Variants in DENND4C observed in about 807,000 individuals in gnomAD.
The protein encoded by DENND4C is DENN domain containing 4C, also known as DENN domain-containing protein 4C.
DENND4C carries 108 observed loss-of-function variants against 203.0 expected under a neutral mutation model. That is an observed-to-expected ratio of 0.53 (90% CI 0.46 to 0.62). DENND4C has a LOEUF of 0.62. DENND4C is among the 20% of genes least tolerant of loss of function. The probability of loss-of-function intolerance (pLI) is 0.00; values close to 1 mark genes in which losing one functional copy is unlikely to be tolerated. For synonymous variants in DENND4C, 871 were observed against 792.4 expected, an observed-to-expected ratio of 1.10 and a Z score of -1.67; for missense variants, 2,481 against 2,301.2, an observed-to-expected ratio of 1.08 and a Z score of -1.60.
rs189404866 is a variant in DENND4C at position 19,269,003 on chromosome 9, T to A, written c.-17-7155T>A. Among the ~76,000 whole-genome samples, 496 of 152,280 alleles carry A rather than the reference T, an allele frequency of 3.3e-3. 3 individuals carry two copies. Among genetic ancestry groups the A allele is most frequent in the African/African-American group, 0.011 (459 of 41,558 alleles). ...TGTTTGGGAAGTTCTCTGTAGTATA[T>A]CTCTTTGAATAAACTTGGTACATAC... On this transcript the variant is annotated intron_variant, in intron 1 of 32. Coordinates refer to ENST00000434457, the MANE Select transcript of DENND4C (RefSeq NM_001330640.2).
chr9:19,273,997 A>G (rs1370495523), intron 1 of DENND4C, among the ~76,000 whole-genome samples: 1 of 152,098 alleles, frequency 6.6e-6, no homozygotes, highest in Non-Finnish European at 1.5e-5. Flanking sequence ...CACACGGGAA[A>G]TAACCTAAAT....
intron 10 of DENND4C, among the ~76,000 whole-genome samples, chr9:19,307,674 G>A (rs1027358174): frequency 6.6e-6 from 1 of 150,698 alleles, no homozygotes; most frequent in Non-Finnish European, 1.5e-5. Flanking sequence ...GGAGTCTGAG[G>A]CAAGAGAATT....
At chr9:19,278,883 C>G (rs139548314) in intron 2 of DENND4C, among the ~76,000 whole-genome samples, 487 of 152,056 alleles carry the variant, frequency 3.2e-3, no homozygotes, top group African/African-American at 0.011. Flanking sequence ...CCCCCAGAAG[C>G]TTGACTTTAA....
chr9:19,344,454 C>T (rs1212700733), intron 22 of DENND4C, among the ~76,000 whole-genome samples: 1 of 152,120 alleles, frequency 6.6e-6, no homozygotes, highest in East Asian at 1.9e-4. Flanking sequence ...CATGATTGCA[C>T]CACTGTACTC....
intron 1 of DENND4C, among the ~76,000 whole-genome samples, chr9:19,231,163 C>T (rs764584384): frequency 3.9e-4 from 59 of 152,158 alleles, no homozygotes; most frequent in Admixed American, 9.2e-4. Flanking sequence ...CCCGGGGGAC[C>T]GCCGGGGCGA....
At chr9:19,334,300 C>G (rs1563813925) in intron 17 of DENND4C, among the ~76,000 whole-genome samples, 1 of 152,076 alleles carries the variant, frequency 6.6e-6, no homozygotes, top group Non-Finnish European at 1.5e-5. Context: ...ATCTGCCTGC[C>G]TGGGCCTCCC....
chr9:19,364,800 CAGG>C (rs1412623851), intron 30 of DENND4C, among the ~76,000 whole-genome samples: 1 of 152,078 alleles, frequency 6.6e-6, no homozygotes, highest in East Asian at 1.9e-4. Context: ...GAGGCTGAGA[CAGG>C]AGAATCAGGG....
In DENND4C at chr9:19,331,974, C is replaced by G. The variant is rs773319244; in HGVS notation, c.2254-4C>G. On this transcript the variant is annotated splice_region_variant and splice_polypyrimidine_tract_variant and intron_variant, in intron 16 of 32. Transcript: ENST00000434457. ...AATATCATAATATTTTATTCTCTTT[C>G]TAGGAAATAAAAACAGCTCATAAAT... The G allele has an allele frequency of 1.2e-6, 2 of 1,609,768 alleles. No homozygotes were observed. Among genetic ancestry groups the G allele is most frequent in the African/African-American group, 1.3e-5 (1 of 74,754 alleles).
intron 1 of DENND4C, among the ~76,000 whole-genome samples, chr9:19,270,537 T>G (rs1237736928): frequency 6.6e-6 from 1 of 152,250 alleles, no homozygotes; most frequent in East Asian, 1.9e-4. Context: ...ACATTCTTTT[T>G]GAAGGGTGAA....
At chr9:19,282,202 C>T (rs775913112) in intron 2 of DENND4C, among the ~76,000 whole-genome samples, 1 of 150,740 alleles carries the variant, frequency 6.6e-6, no homozygotes, top group African/African-American at 2.4e-5. Flanking sequence ...TTCTTTAAAT[C>T]CTTATTTTAT....
intron 16 of DENND4C, among the ~76,000 whole-genome samples, chr9:19,329,693 C>A (rs944411959): frequency 6.6e-6 from 1 of 152,306 alleles, no homozygotes; most frequent in South Asian, 2.1e-4. Flanking sequence ...AGTTTCACAA[C>A]ATATCCTTGT....
At chr9:19,320,663 C>T (rs78338765) in intron 12 of DENND4C, among the ~76,000 whole-genome samples, 3,228 of 152,236 alleles carry the variant, frequency 0.021, 120 homozygotes, top group African/African-American at 0.073. Context: ...GCAAGAAGTG[C>T]CAAAATACGT....
intron 13 of DENND4C, among the ~76,000 whole-genome samples, chr9:19,324,967 C>G (rs548021928): frequency 6.6e-6 from 1 of 152,278 alleles, no homozygotes; most frequent in Non-Finnish European, 1.5e-5. Context: ...ATCCTCCCGC[C>G]TTGGCCTCCC....
rs1486856904 is a variant in DENND4C at position 19,373,195 on chromosome 9, C to T, written c.*1022C>T. The T allele has an allele frequency of 6.6e-6, 1 of 152,130 alleles. No individual in the cohort carries two copies. Among genetic ancestry groups the T allele is most frequent in the African/African-American group, 2.4e-5 (1 of 41,430 alleles). 9.4% of individuals were successfully genotyped at this position (152,130 alleles called of 1,614,324 possible). ...ATTATTTTTGTACCAACATAATACA[C>T]CTTTCATATTATGTATTATCTTGCT... is the stretch of plus-strand genomic sequence containing the variant. On this transcript the variant is annotated 3_prime_UTR_variant, in exon 33 of 33. Coordinates refer to ENST00000434457, the MANE Select transcript of DENND4C (RefSeq NM_001330640.2).
intron 1 of DENND4C, among the ~76,000 whole-genome samples, chr9:19,245,240 G>A (rs896789700): frequency 5.3e-5 from 8 of 151,634 alleles, no homozygotes; most frequent in East Asian, 3.9e-4. Context: ...AGGCCGAGGC[G>A]GGCAGATCAC....
At chr9:19,261,450 CT>C (rs34512237) in intron 1 of DENND4C, among the ~76,000 whole-genome samples, 7,850 of 142,936 alleles carry the variant, frequency 0.055, 348 homozygotes, top group African/African-American at 0.12. Context: ...GTAGTATGGA[CT>C]TTTTTTTTTT....
At chr9:19,319,661 T>A (rs530038200) in intron 12 of DENND4C, among the ~76,000 whole-genome samples, 2 of 151,926 alleles carry the variant, frequency 1.3e-5, no homozygotes, top group South Asian at 4.2e-4. Context: ...CTAAAGGAAT[T>A]TGAAAAGATA....
At chr9:19,342,585 T>TA (rs1401978864) in intron 21 of DENND4C, 48 bp from the exon 22 acceptor site, 6 of 1,540,840 alleles carry the variant, frequency 3.9e-6, no homozygotes. Flanking sequence ...GGTTTCTGTT[T>TA]AATATTGGCA....
chr9:19,249,831 A>T (rs1052889910), intron 1 of DENND4C, among the ~76,000 whole-genome samples: 3 of 151,560 alleles, frequency 2.0e-5, no homozygotes, highest in African/African-American at 4.9e-5. Flanking sequence ...CTAATTTTAA[A>T]TTTTTTTGTA....
Sources: gnomAD v4.1 joint callset for allele counts (sites outside exome capture counted in the v4.1 genomes callset) on GRCh38, gnomAD v4.1.1 for gene constraint, MANE v1.5 for transcripts, NCBI Gene and HGNC (gene_info 2026-07-23, HGNC 2026-07-21) for gene names.